Variants in SLC35D2 observed in about 807,000 individuals in gnomAD.
The protein encoded by SLC35D2 is nucleotide sugar transporter SLC35D2.
A neutral mutation model predicts 41.8 loss-of-function variants in SLC35D2; 43 were observed. That is an observed-to-expected ratio of 1.03 (90% CI 0.81 to 1.33). SLC35D2 has a LOEUF of 1.33. SLC35D2 is among the 40% of genes most tolerant of loss of function. The probability of loss-of-function intolerance (pLI) is 0.00; values close to 1 mark genes in which losing one functional copy is unlikely to be tolerated. For missense variants in SLC35D2, 380 were observed against 408.4 expected, an observed-to-expected ratio of 0.93 and a Z score of 0.60; for synonymous variants, 150 against 163.9, an observed-to-expected ratio of 0.92 and a Z score of 0.65.
chr9:96,347,046 G>T (rs1357110875), intron 6 of SLC35D2, among the ~76,000 whole-genome samples: 1 of 152,200 alleles, frequency 6.6e-6, no homozygotes, highest in African/African-American at 2.4e-5. Context: ...TGAGGCAGGA[G>T]AATCACTTGA....
At chr9:96,375,079 C>T (rs187537828) in intron 1 of SLC35D2, among the ~76,000 whole-genome samples, 64 of 148,886 alleles carry the variant, frequency 4.3e-4, no homozygotes, top group African/African-American at 1.5e-3. Context: ...GCAACCTCTG[C>T]CTCCCGGGTT....
chr9:96,327,085 C>G (rs1009690074), intron 9 of SLC35D2, among the ~76,000 whole-genome samples: 3 of 152,188 alleles, frequency 2.0e-5, no homozygotes, highest in African/African-American at 7.2e-5. Flanking sequence ...CAGCCCAACG[C>G]AGGGGCAGAG....
intron 2 of SLC35D2, among the ~76,000 whole-genome samples, chr9:96,367,556 G>A (rs1361375794): frequency 2.6e-5 from 4 of 152,228 alleles, no homozygotes; most frequent in African/African-American, 9.6e-5. Context: ...CAAGGTGGGT[G>A]CGGATCGCCT....
chr9:96,372,235 ATAAGT>A (rs1482366051), intron 1 of SLC35D2, among the ~76,000 whole-genome samples: 1 of 152,232 alleles, frequency 6.6e-6, no homozygotes, highest in African/African-American at 2.4e-5. Flanking sequence ...AATGAGAAAG[ATAAGT>A]TAATTGAGAC....
intron 7 of SLC35D2, among the ~76,000 whole-genome samples, chr9:96,344,564 G>GAAAA (rs760661695): frequency 8.1e-5 from 2 of 24,596 alleles, no homozygotes; most frequent in African/African-American, 2.8e-4. Context: ...AAACAGAGCA[G>GAAAA]ATAAAAAAAA....
rs1830053591 is a variant in SLC35D2, at chr9:96,356,982, G to A, written c.347+3172C>T. Reference sequence around the variant, plus strand: ...GGATCACCTGAGGTCAGGAGTTCGAGACCAGCCTCAACATGGAGAAACCCC... The same window carrying A: ...GGATCACCTGAGGTCAGGAGTTCGAAACCAGCCTCAACATGGAGAAACCCC... On this transcript the variant is annotated intron_variant, in intron 4 of 11. Transcript: ENST00000253270. Among the ~76,000 whole-genome samples the A allele has an allele frequency of 2.0e-5, 3 of 152,296 alleles. No individual in the cohort carries two copies. The South Asian group carries it at 6.2e-4, about 32-fold the overall frequency.
chr9:96,383,614 G>A lies in SLC35D2; in HGVS notation c.21C>T (p.Ala7=). 3 of 1,192,772 alleles carry A rather than the reference G, an allele frequency of 2.5e-6. No homozygotes were observed. The highest frequency in any genetic ancestry group is 3.1e-6 in the Non-Finnish European group (3 of 966,888). The allele number at this position is 1,192,772 out of a possible 1,614,324, so 73.9% of individuals were successfully genotyped here. MTAGGQ[A]EAEGAGGEPG... Reference sequence around the variant, plus strand: ...GCTCCCCGCCAGCGCCCTCGGCCTCGGCCTGGCCGCCGGCCGTCATCTCCT... The same window carrying A: ...GCTCCCCGCCAGCGCCCTCGGCCTCAGCCTGGCCGCCGGCCGTCATCTCCT... The change falls in exon 1 of 12, where the codon GCC becomes GCT. Residue 7 remains alanine, a synonymous_variant. Transcript: ENST00000253270.
At chr9:96,361,709 A>G (rs565422172) in intron 3 of SLC35D2, among the ~76,000 whole-genome samples, 1 of 152,122 alleles carries the variant, frequency 6.6e-6, no homozygotes, top group South Asian at 2.1e-4. Flanking sequence ...AATGAAAACA[A>G]AAACAGAAAA....
chr9:96,315,926 C>G (rs1029379378), downstream of SLC35D2, among the ~76,000 whole-genome samples: 1 of 152,096 alleles, frequency 6.6e-6, no homozygotes, highest in African/African-American at 2.4e-5. Context: ...TATTAAATAA[C>G]AAGAACCAAT....
At chr9:96,340,189 G>T (rs1314974895) in intron 8 of SLC35D2, among the ~76,000 whole-genome samples, 2 of 152,182 alleles carry the variant, frequency 1.3e-5, no homozygotes, top group Non-Finnish European at 2.9e-5. Flanking sequence ...AGTGAATACA[G>T]AGCAATGTTA....
At chr9:96,327,111 G>T (rs1828572304) in intron 9 of SLC35D2, among the ~76,000 whole-genome samples, 2 of 152,174 alleles carry the variant, frequency 1.3e-5, no homozygotes, top group African/African-American at 4.8e-5. Flanking sequence ...CTTCCTGCAG[G>T]CCGCCTATGC....
At chr9:96,339,624 A>G (rs1042262841) in intron 8 of SLC35D2, among the ~76,000 whole-genome samples, 1 of 152,034 alleles carries the variant, frequency 6.6e-6, no homozygotes, top group Non-Finnish European at 1.5e-5. Flanking sequence ...TTCACTTTGC[A>G]CTCAGGGTTT....
rs141664248 is a variant in SLC35D2 at position 96,368,910 on chromosome 9, G to A, written c.159-605C>T. On this transcript the variant is annotated intron_variant, in intron 1 of 11. Transcript: ENST00000253270. ...CTCCCGAGTAGCTGGGACTATAGGC[G>A]CGCACCACCATGCCCGGTTAATTTT... Among the ~76,000 whole-genome samples the A allele has an allele frequency of 2.5e-3, 375 of 151,912 alleles. 4 individuals carry two copies. The highest frequency in any genetic ancestry group is 8.5e-3 in the African/African-American group (353 of 41,424).
intron 7 of SLC35D2, among the ~76,000 whole-genome samples, chr9:96,344,542 GAAAAAAAAAAAAAACAGAGCAGATAAA>G (rs1829482543): frequency 5.3e-5 from 2 of 37,722 alleles, no homozygotes; most frequent in African/African-American, 2.2e-4. Flanking sequence ...CCATGCAGGG[GAAAAAAAAAAAAAACAGAGCAGATAAA>G]AAAAAAAAAA....
At chr9:96,353,583 C>T (rs573985373) in intron 4 of SLC35D2, among the ~76,000 whole-genome samples, 50 of 152,234 alleles carry the variant, frequency 3.3e-4, no homozygotes, top group African/African-American at 1.2e-3. Context: ...TGATCTCAGG[C>T]GATCCACCTG....
intron 2 of SLC35D2, among the ~76,000 whole-genome samples, chr9:96,368,021 G>T (rs140456019): frequency 1.3e-4 from 20 of 152,268 alleles, no homozygotes; most frequent in African/African-American, 4.8e-4. Flanking sequence ...CCCTGCTTTA[G>T]AGTAATTAAA....
intron 6 of SLC35D2, among the ~76,000 whole-genome samples, chr9:96,348,558 G>A (rs908353253): frequency 2.0e-5 from 3 of 152,188 alleles, no homozygotes; most frequent in African/African-American, 7.2e-5. Flanking sequence ...GCCACTGCTT[G>A]CATCTGGATG....
downstream of SLC35D2, among the ~76,000 whole-genome samples, chr9:96,316,502 A>AGG (rs1247577840): frequency 2.0e-5 from 3 of 149,846 alleles, no homozygotes; most frequent in Admixed American, 6.7e-5. Context: ...CAAAAAAAAA[A>AGG]GGGGGGGAAG....
chr9:96,343,539 TAACA>T (rs1336721330), intron 8 of SLC35D2, among the ~76,000 whole-genome samples: 1 of 152,248 alleles, frequency 6.6e-6, no homozygotes, highest in Non-Finnish European at 1.5e-5. Flanking sequence ...TAATAGAAAG[TAACA>T]AATAAATAAA....
Sources: gnomAD v4.1 joint callset for allele counts (sites outside exome capture counted in the v4.1 genomes callset) on GRCh38, gnomAD v4.1.1 for gene constraint, MANE v1.5 for transcripts, NCBI Gene and HGNC (gene_info 2026-07-23, HGNC 2026-07-21) for gene names.